Variants in HS3ST4 observed in about 807,000 individuals in gnomAD.
HS3ST4 encodes the protein heparan sulfate-glucosamine 3-sulfotransferase 4.
HS3ST4 carries 17 observed loss-of-function variants against 29.2 expected under a neutral mutation model. The observed-to-expected ratio is 0.58, with a 90% confidence interval of 0.40 to 0.87. HS3ST4 has a LOEUF of 0.87. Ranked by LOEUF, HS3ST4 falls within the 40% of genes least tolerant of loss-of-function variation. The pLI is 0.00. For synonymous variants in HS3ST4, 314 were observed against 285.7 expected (o/e 1.10, Z -1.00); for missense variants, 627 against 634.5 (o/e 0.99, Z 0.13).
chr16:25,707,890 G>A (rs1966386567), intron 1 of HS3ST4, among the ~76,000 whole-genome samples: 1 of 152,044 alleles, frequency 6.6e-6, no homozygotes, highest in African/African-American at 2.4e-5. Flanking sequence ...TTATCCTCAG[G>A]GTGGCTTTTT....
At chr16:25,717,194 A>G (rs1966460292) in intron 1 of HS3ST4, among the ~76,000 whole-genome samples, 1 of 152,200 alleles carries the variant, frequency 6.6e-6, no homozygotes, top group East Asian at 1.9e-4. Flanking sequence ...TGCCTTCCAG[A>G]AATTATTCGG....
At chr16:25,916,525 G>C (rs1968294499) in intron 1 of HS3ST4, among the ~76,000 whole-genome samples, 1 of 151,764 alleles carries the variant, frequency 6.6e-6, no homozygotes, top group Non-Finnish European at 1.5e-5. Context: ...AACACGCCCG[G>C]CTACTTTTGT....
At chr16:25,969,310 C>T (rs1476580410) in intron 1 of HS3ST4, among the ~76,000 whole-genome samples, 1 of 152,198 alleles carries the variant, frequency 6.6e-6, no homozygotes, top group African/African-American at 2.4e-5. Context: ...GGGCAGTTCC[C>T]TGGCTGGAAT....
In HS3ST4 at chr16:25,715,361, A is replaced by T. The variant is rs1055023310; in HGVS notation, c.734+22210A>T. On this transcript the variant is annotated intron_variant, in intron 1 of 1. Transcript: ENST00000331351. The stretch of plus-strand genomic sequence containing the variant: ...AAAAAAAAAACCAAAAAAAAAAAAA[A>T]CTCAGCGCCTTTTGTGCCCCAGGCA... Among the ~76,000 whole-genome samples the T allele has an allele frequency of 3.9e-5, 5 of 128,776 alleles. No individual in the cohort carries two copies. The Admixed American group carries it at 3.9e-4, about 10-fold the overall frequency. 84.5% of individuals were successfully genotyped at this position (128,776 alleles called of 152,430 possible).
At chr16:25,983,589 G>A (rs1367879775) in intron 1 of HS3ST4, among the ~76,000 whole-genome samples, 3 of 152,178 alleles carry the variant, frequency 2.0e-5, no homozygotes, top group African/African-American at 7.2e-5. Context: ...ACCTCTGTGT[G>A]TTATCATTCG....
chr16:26,015,226 C>A (rs1046365345), intron 1 of HS3ST4, among the ~76,000 whole-genome samples: 4 of 152,220 alleles, frequency 2.6e-5, no homozygotes, highest in Non-Finnish European at 4.4e-5. Flanking sequence ...ACAAGGTCAC[C>A]GTCAGGTGCA....
chr16:25,840,100 A>G (rs1176896942), intron 1 of HS3ST4, among the ~76,000 whole-genome samples: 3 of 152,240 alleles, frequency 2.0e-5, no homozygotes, highest in Admixed American at 6.5e-5. Flanking sequence ...TCTTCTTACA[A>G]CACCATAAGG....
intron 1 of HS3ST4, among the ~76,000 whole-genome samples, chr16:26,129,640 G>T (rs1031328926): frequency 2.6e-5 from 4 of 152,156 alleles, no homozygotes; most frequent in Non-Finnish European, 5.9e-5. Context: ...TATGATGCCT[G>T]GTTTTCAAAT....
chr16:25,920,241 A>G (rs1215187805), intron 1 of HS3ST4, among the ~76,000 whole-genome samples: 1 of 151,996 alleles, frequency 6.6e-6, no homozygotes, highest in Non-Finnish European at 1.5e-5. Context: ...TCAATCCAGC[A>G]GCTATAAATT....
chr16:26,058,709 C>T (rs117376624), intron 1 of HS3ST4, among the ~76,000 whole-genome samples: 2,519 of 152,282 alleles, frequency 0.017, 38 homozygotes, highest in Non-Finnish European at 0.025. Flanking sequence ...TTTGCCTCTA[C>T]TTTGTTCCAC....
intron 1 of HS3ST4, among the ~76,000 whole-genome samples, chr16:25,827,347 T>G (rs1367333573): frequency 2.3e-4 from 35 of 152,094 alleles, no homozygotes; most frequent in Admixed American, 2.3e-3. Context: ...GTGACTGCCA[T>G]CCATACCCTG....
At chr16:26,112,379 A>ATTTT (rs1899143685) in intron 1 of HS3ST4, among the ~76,000 whole-genome samples, 1 of 68,962 alleles carries the variant, frequency 1.5e-5, no homozygotes, top group Non-Finnish European at 3.2e-5. Context: ...AAGCCTCTAC[A>ATTTT]TCTTTTTTTT....
chr16:25,841,942 C>T (rs779432199), intron 1 of HS3ST4, among the ~76,000 whole-genome samples: 5 of 152,132 alleles, frequency 3.3e-5, no homozygotes, highest in Admixed American at 6.5e-5. Flanking sequence ...TTGTAATGGC[C>T]GTAGAAGGAG....
chr16:25,715,361 A>G (rs1055023310), intron 1 of HS3ST4, among the ~76,000 whole-genome samples: 1 of 128,814 alleles, frequency 7.8e-6, no homozygotes, highest in Non-Finnish European at 1.7e-5. Context: ...AAAAAAAAAA[A>G]CTCAGCGCCT....
intron 1 of HS3ST4, among the ~76,000 whole-genome samples, chr16:25,828,301 C>CTCTCTCTCTCTCT (rs1555467593): frequency 3.0e-4 from 10 of 32,894 alleles, no homozygotes; most frequent in Admixed American, 7.3e-4. Flanking sequence ...TCTTTCTTTC[C>CTCTCTCTCTCTCT]CTCTCTCTCT....
intron 1 of HS3ST4, among the ~76,000 whole-genome samples, chr16:25,945,183 AACAC>A (rs568092101): frequency 2.0e-5 from 3 of 152,190 alleles, no homozygotes; most frequent in Non-Finnish European, 4.4e-5. Flanking sequence ...GAAAATGCAC[AACAC>A]ACAATATTAT....
At chr16:25,759,885 G>A (rs968111376) in intron 1 of HS3ST4, among the ~76,000 whole-genome samples, 1 of 151,970 alleles carries the variant, frequency 6.6e-6, no homozygotes, top group African/African-American at 2.4e-5. Flanking sequence ...GCAAGACCCT[G>A]TCTTAAAAAT....
chr16:26,094,309 T>C (rs1244006184), intron 1 of HS3ST4, among the ~76,000 whole-genome samples: 1 of 152,066 alleles, frequency 6.6e-6, no homozygotes, highest in African/African-American at 2.4e-5. Flanking sequence ...AGACACATAA[T>C]TGTCAGATTC....
intron 1 of HS3ST4, among the ~76,000 whole-genome samples, chr16:25,883,974 G>T (rs539637718): frequency 6.6e-6 from 1 of 152,124 alleles, no homozygotes; most frequent in Non-Finnish European, 1.5e-5. Context: ...TTAGCCGACT[G>T]TGGTGGCAGG....
Sources: allele counts gnomAD v4.1 joint callset (sites outside exome capture counted in the v4.1 genomes callset), GRCh38; gene constraint gnomAD v4.1.1; transcripts MANE v1.5; gene names NCBI Gene and HGNC (gene_info 2026-07-23, HGNC 2026-07-21).